CDKAL1: variants seen among roughly 807,000 people sequenced by gnomAD.
CDKAL1 encodes CDKAL1 threonylcarbamoyladenosine tRNA methylthiotransferase.
CDKAL1 carries 32 observed loss-of-function variants against 68.2 expected under a neutral mutation model. The ratio of observed to expected loss-of-function variants is 0.47; its 90% CI spans 0.35 to 0.63. The LOEUF is 0.63. CDKAL1 is among the 30% of genes least tolerant of loss of function. CDKAL1 has a pLI of 0.00. For missense variants in CDKAL1, 606 were observed against 696.7 expected (o/e 0.87, Z 1.47); for synonymous variants, 234 against 244.3 (o/e 0.96, Z 0.39).
At chr6:20,810,633 T>TGTGG (rs1304548575) in intron 8 of CDKAL1, among the ~76,000 whole-genome samples, 4 of 61,158 alleles carry the variant, frequency 6.5e-5, no homozygotes, top group African/African-American at 2.6e-4. Context: ...TATGGGTGTG[T>TGTGG]GTGTGTGTGT....
intron 9 of CDKAL1, among the ~76,000 whole-genome samples, chr6:20,936,040 A>G (rs1305555084): frequency 6.6e-6 from 1 of 152,014 alleles, no homozygotes; most frequent in South Asian, 2.1e-4. Flanking sequence ...TAATGAATAG[A>G]AATGTAATGC....
intron 10 of CDKAL1, among the ~76,000 whole-genome samples, chr6:20,988,424 G>A (rs1032029848): frequency 1.9e-4 from 29 of 152,056 alleles, no homozygotes; most frequent in African/African-American, 6.5e-4. Flanking sequence ...CTGTCAACAC[G>A]TAACATTCAC....
intron 2 of CDKAL1, among the ~76,000 whole-genome samples, chr6:20,540,077 C>T (rs1230066116): frequency 1.7e-4 from 22 of 131,232 alleles, no homozygotes; most frequent in African/African-American, 4.9e-4. Flanking sequence ...TTGGGATTGT[C>T]TTTTTTTTTT....
intron 11 of CDKAL1, among the ~76,000 whole-genome samples, chr6:21,044,337 C>T (rs1056745157): frequency 6.6e-6 from 1 of 152,144 alleles, no homozygotes; most frequent in African/African-American, 2.4e-5. Flanking sequence ...TTGCCTCTTA[C>T]TTGTAAGTAT....
chr6:20,938,708 A>G (rs1436127324), intron 9 of CDKAL1, among the ~76,000 whole-genome samples: 2 of 152,158 alleles, frequency 1.3e-5, no homozygotes, highest in Admixed American at 1.3e-4. Context: ...ATAAAAGATG[A>G]TAAATTAGTG....
intron 13 of CDKAL1, among the ~76,000 whole-genome samples, chr6:21,113,013 A>G (rs1774200121): frequency 6.6e-6 from 1 of 152,206 alleles, no homozygotes; most frequent in Non-Finnish European, 1.5e-5. Flanking sequence ...TATTGCTTCA[A>G]AAAGTCAGAG....
At chr6:21,174,457 TG>T (rs1777504891) in intron 13 of CDKAL1, among the ~76,000 whole-genome samples, 1 of 152,144 alleles carries the variant, frequency 6.6e-6, no homozygotes, top group Admixed American at 6.5e-5. Flanking sequence ...TCTCAATAAT[TG>T]TAATTCAGTT....
intron 12 of CDKAL1, among the ~76,000 whole-genome samples, chr6:21,090,052 A>G (rs531616058): frequency 6.6e-6 from 1 of 152,342 alleles, no homozygotes; most frequent in East Asian, 1.9e-4. Context: ...GACATCATCT[A>G]GTCATTAATG....
intron 9 of CDKAL1, among the ~76,000 whole-genome samples, chr6:20,910,750 G>A (rs1762432580): frequency 6.6e-6 from 1 of 152,214 alleles, no homozygotes; most frequent in Non-Finnish European, 1.5e-5. Flanking sequence ...AGGAGCACAA[G>A]TTAAAAATGA....
intron 13 of CDKAL1, among the ~76,000 whole-genome samples, chr6:21,192,002 T>TC: frequency 1.7e-5 from 1 of 58,998 alleles, no homozygotes; most frequent in Non-Finnish European, 3.6e-5. Context: ...CTTTTTTTTT[T>TC]TTTTTTTTTT....
intron 13 of CDKAL1, among the ~76,000 whole-genome samples, chr6:21,195,522 T>C (rs1778435217): frequency 7.1e-6 from 1 of 140,614 alleles, no homozygotes; most frequent in South Asian, 2.2e-4. Flanking sequence ...TATTTATTTA[T>C]TTATTTGAGA....
At chr6:20,940,901 T>C (rs573806414) in intron 9 of CDKAL1, among the ~76,000 whole-genome samples, 132 of 152,158 alleles carry the variant, frequency 8.7e-4, no homozygotes, top group Admixed American at 2.6e-3. Context: ...CCATCCTGGC[T>C]AACACAGTGA....
intron 12 of CDKAL1, among the ~76,000 whole-genome samples, chr6:21,102,302 GCTGA>G (rs886692001): frequency 2.6e-5 from 4 of 152,062 alleles, no homozygotes; most frequent in African/African-American, 9.7e-5. Context: ...CTGTCACATT[GCTGA>G]CTGAATTTAA....
At chr6:20,943,568 G>A (rs67321853) in intron 9 of CDKAL1, among the ~76,000 whole-genome samples, 14,882 of 151,352 alleles carry the variant, frequency 0.098, 788 homozygotes, top group African/African-American at 0.14. Flanking sequence ...ATTTCTCTTC[G>A]TTTCATTTTG....
chr6:20,955,359 C>G lies in CDKAL1; in HGVS notation c.743-60C>G, dbSNP rs534913853. On this transcript the variant is annotated intron_variant, in intron 9 of 15. Coordinates refer to ENST00000274695, the MANE Select transcript of CDKAL1 (RefSeq NM_017774.3). ...ATACTGCATTAAAAACAGTGAGCAG[C>G]TGTATGATGAAGGAAACAGCTCTGC... 6.6e-6 allele frequency: 10 copies of G among 1,514,032 alleles called. No homozygotes were observed. The African/African-American group carries it at 1.4e-4, about 21-fold the overall frequency. The allele number at this position is 1,514,032 out of a possible 1,614,324, so 93.8% of individuals were successfully genotyped here.
At chr6:21,129,428 A>C (rs1410975775) in intron 13 of CDKAL1, among the ~76,000 whole-genome samples, 1 of 152,176 alleles carries the variant, frequency 6.6e-6, no homozygotes, top group Non-Finnish European at 1.5e-5. Flanking sequence ...ATTTTGGACT[A>C]GAACTGAAAG....
intron 8 of CDKAL1, among the ~76,000 whole-genome samples, chr6:20,808,956 T>C (rs1233383807): frequency 6.6e-6 from 1 of 152,176 alleles, no homozygotes; most frequent in Non-Finnish European, 1.5e-5. Context: ...AATTCTCTTT[T>C]ACTACATCAA....
intron 5 of CDKAL1, among the ~76,000 whole-genome samples, chr6:20,709,170 A>C (rs1318102920): frequency 6.6e-6 from 1 of 152,128 alleles, no homozygotes; most frequent in Non-Finnish European, 1.5e-5. Flanking sequence ...AGAGTTTCCC[A>C]AATTAGATAT....
chr6:20,597,341 A>T (rs766294446), intron 4 of CDKAL1, among the ~76,000 whole-genome samples: 8 of 151,742 alleles, frequency 5.3e-5, no homozygotes, highest in Non-Finnish European at 1.0e-4. Flanking sequence ...TGTTAGCCAT[A>T]TTGGTCTTGA....
Sources: allele counts gnomAD v4.1 joint callset (sites outside exome capture counted in the v4.1 genomes callset), GRCh38; gene constraint gnomAD v4.1.1; transcripts MANE v1.5; gene names NCBI Gene and HGNC (gene_info 2026-07-23, HGNC 2026-07-21).